Variants in NEXN observed in about 807,000 individuals in gnomAD.
The protein encoded by NEXN is nexilin.
NEXN carries 65 observed loss-of-function variants against 92.6 expected under a neutral mutation model. The observed-to-expected ratio is 0.70, with a 90% CI of 0.57 to 0.86. The LOEUF (loss-of-function observed/expected upper bound fraction) is 0.86, where lower values mean the gene tolerates loss of function less well. Among genes scored for constraint, NEXN ranks in the 40% least tolerant of loss-of-function variants. NEXN has a pLI of 0.00. For synonymous variants in NEXN, 254 were observed against 242.5 expected, an observed-to-expected ratio of 1.05 and a Z score of -0.44; for missense variants, 778 against 771.1, an observed-to-expected ratio of 1.01 and a Z score of -0.11.
In NEXN at chr1:77,918,020, T is replaced by G. The variant is rs1483282057; in HGVS notation, c.280T>G (p.Tyr94Asp). The change falls in exon 4 of 13, where the codon TAT becomes GAT. Residue 94 changes from tyrosine to aspartate, a missense_variant. Physicochemically the swap from Tyr to Asp is radical, Grantham distance 160. Transcript: ENST00000334785. ...EDVSSKVEKAYVPKLTGTVKG... is the reference protein window; with the variant it reads ...EDVSSKVEKADVPKLTGTVKG... ...TGTATCTTCTAAAGTAGAAAAGGCT[T>G]ATGTTCCAAAATTAACAGGTAAGAA... 1 of 1,613,708 alleles carries G rather than the reference T, an allele frequency of 6.2e-7. No homozygotes were observed. Among genetic ancestry groups the G allele is most frequent in the South Asian group, 1.1e-5 (1 of 91,076 alleles).
At chr1:77,934,773 A>G (rs538519442) in intron 10 of NEXN, among the ~76,000 whole-genome samples, 1 of 152,322 alleles carries the variant, frequency 6.6e-6, no homozygotes, top group African/African-American at 2.4e-5. Context: ...GTCAGGGTCT[A>G]AGATGTAGCC....
rs567500402 is a variant in NEXN, at chr1:77,930,770, A to G, written c.1053+1266A>G. ...CCCTATGCTCTGCTAACTCCAATTCATAACTTTCCATTTCCTCTGGAAAGC... is the reference window on the plus strand; with the variant it reads ...CCCTATGCTCTGCTAACTCCAATTCGTAACTTTCCATTTCCTCTGGAAAGC... On this transcript the variant is annotated intron_variant, in intron 9 of 12. Coordinates refer to ENST00000334785, the MANE Select transcript of NEXN (RefSeq NM_144573.4). Among the ~76,000 whole-genome samples the G allele has an allele frequency of 2.0e-5, 3 of 152,312 alleles. No homozygotes were observed. The East Asian group carries it at 5.8e-4, about 29-fold the overall frequency.
chr1:77,929,291 A>G, intron 8 of NEXN, 25 bp from the exon 9 acceptor site: 4 of 1,442,374 alleles, frequency 2.8e-6, no homozygotes, highest in Non-Finnish European at 3.9e-6. Context: ...CTCAATTCTT[A>G]GTAATGAATT....
Position 77,898,875 on chromosome 1 carries a change from G to A in NEXN, c.-53+10116G>A, listed in dbSNP as rs537937185. 4.4e-3 allele frequency among the ~76,000 whole-genome samples: 663 copies of A among 152,242 alleles called. 5 individuals carry two copies. The highest frequency in any genetic ancestry group is 0.015 in the African/African-American group (620 of 41,528). ...TATGAACAGACACTTCTCAAAAGAA[G>A]ACATTTATGCAGCCAAAAAACACAT... On this transcript the variant is annotated intron_variant, in intron 1 of 12. Transcript: ENST00000334785.
intron 11 of NEXN, among the ~76,000 whole-genome samples, chr1:77,939,895 G>A (rs1354456477): frequency 3.3e-5 from 5 of 152,084 alleles, no homozygotes; most frequent in Non-Finnish European, 5.9e-5. Flanking sequence ...CCAACATGGC[G>A]AAACCCTGTC....
At chr1:77,937,384 C>A (rs1278159146) in intron 11 of NEXN, among the ~76,000 whole-genome samples, 4 of 150,110 alleles carry the variant, frequency 2.7e-5, no homozygotes, top group Non-Finnish European at 5.9e-5. Context: ...GTCTTAGATA[C>A]ATGCATTAAA....
intron 11 of NEXN, among the ~76,000 whole-genome samples, chr1:77,939,785 G>C (rs1651098827): frequency 6.6e-6 from 1 of 152,134 alleles, no homozygotes; most frequent in Non-Finnish European, 1.5e-5. Flanking sequence ...TTAAAAACTT[G>C]TTAGCGGCTG....
chr1:77,907,099 A>C (rs1474714031), intron 1 of NEXN, among the ~76,000 whole-genome samples: 1 of 152,222 alleles, frequency 6.6e-6, no homozygotes, highest in African/African-American at 2.4e-5. Context: ...TTCATCATTA[A>C]TTTTATTCAT....
intron 1 of NEXN, among the ~76,000 whole-genome samples, chr1:77,902,025 C>T (rs181022184): frequency 6.6e-6 from 1 of 152,212 alleles, no homozygotes; most frequent in Non-Finnish European, 1.5e-5. Context: ...ACCATAAACT[C>T]CATAACAGAT....
At position 77,935,992 on chromosome 1, in the gene NEXN, G is replaced by A. The variant is rs1296934495; in HGVS notation, c.1421G>A (p.Arg474Lys). Residue 474 changes from arginine to lysine, a missense_variant, in exon 11 of 13, where the codon AGG (arginine) becomes AAG (lysine). Around this residue, in one of 3 missense-constraint regions of NEXN, gnomAD observed 532 missense variants for 476.7 expected, o/e 1.12. Coordinates refer to ENST00000334785, the MANE Select transcript of NEXN (RefSeq NM_144573.4). The stretch of plus-strand genomic sequence containing the variant: ...AAAATAGAAGAAGAGCGAGCAAGAA[G>A]GAGAGCAATTGACCTTGAAATTAAA... ...QKKIEEERAR[R>K]RAIDLEIKER... is the part of the protein sequence containing the mutation. 1 of 1,613,890 alleles carries A rather than the reference G, an allele frequency of 6.2e-7. No homozygotes were observed. The highest frequency in any genetic ancestry group is 8.5e-7 in the Non-Finnish European group (1 of 1,179,972).
At chr1:77,941,140 T>C (rs1651268336) in intron 11 of NEXN, among the ~76,000 whole-genome samples, 1 of 152,160 alleles carries the variant, frequency 6.6e-6, no homozygotes, top group African/African-American at 2.4e-5. Flanking sequence ...TCCCTTTAGT[T>C]GGATGTGGCA....
chr1:77,938,957 G>T (rs923960769), intron 11 of NEXN, among the ~76,000 whole-genome samples: 1 of 152,162 alleles, frequency 6.6e-6, no homozygotes, highest in African/African-American at 2.4e-5. Flanking sequence ...AACCTTGCAG[G>T]CTCTATGATC....
intron 11 of NEXN, chr1:77,941,588 C>T: frequency 5.7e-6 from 1 of 176,814 alleles, no homozygotes; most frequent in Non-Finnish European, 1.2e-5. Flanking sequence ...TCATTAGGGA[C>T]ATAGTTCTAA....
At chr1:77,936,213 C>T (rs1029419099) in intron 11 of NEXN, among the ~76,000 whole-genome samples, 169 bp downstream of exon 11, 15 of 152,070 alleles carry the variant, frequency 9.9e-5, no homozygotes, top group Admixed American at 3.9e-4. Flanking sequence ...CTTTGAAAGA[C>T]TAGCATTGTT....
rs755012232 is a variant in NEXN, at chr1:77,917,723, T to A, written c.185T>A (p.Ile62Asn). 4 of 1,610,718 alleles carry A rather than the reference T, an allele frequency of 2.5e-6. No individual in the cohort carries two copies. The African/African-American group carries it at 4.0e-5, about 16-fold the overall frequency. The change falls in exon 3 of 13, where the codon ATT becomes AAT. Residue 62 changes from isoleucine (I) to asparagine (N), a missense_variant. By Grantham distance (149) the Ile-to-Asn change is moderately radical. Transcript: ENST00000334785. ...DEKQRRKEQYIREREWNRRKQ... is the reference protein window; with the variant it reads ...DEKQRRKEQYNREREWNRRKQ... ...AAACAAAGAAGAAAAGAACAATATA[T>A]TAGAGAGAGAGAATGGAACAGGAGA...
chr1:77,934,290 C>A (rs1571153500), intron 10 of NEXN, among the ~76,000 whole-genome samples: 1 of 152,094 alleles, frequency 6.6e-6, no homozygotes, highest in African/African-American at 2.4e-5. Flanking sequence ...TTATTACAGG[C>A]ATGAGCCACC....
rs374762720 is a variant in NEXN at position 77,917,954 on chromosome 1, A to T, written c.220-6A>T. ...TGTGCTCACATTAATTTATTTAACC[A>T]TCTAGATTAAAGAAATGCTTGCTTC... On this transcript the variant is annotated splice_region_variant and splice_polypyrimidine_tract_variant and intron_variant, in intron 3 of 12. Transcript: ENST00000334785. 6.2e-7 allele frequency: 1 copy of T among 1,605,002 alleles called. No individual in the cohort carries two copies. Among genetic ancestry groups the T allele is most frequent in the South Asian group, 1.1e-5 (1 of 90,830 alleles).
intron 11 of NEXN, among the ~76,000 whole-genome samples, chr1:77,941,394 A>T (rs1452635427): frequency 2.0e-5 from 3 of 152,172 alleles, no homozygotes; most frequent in Non-Finnish European, 2.9e-5. Flanking sequence ...CTCTGCTCTT[A>T]AATCACTCCC....
intron 1 of NEXN, among the ~76,000 whole-genome samples, chr1:77,908,135 T>C (rs557549177): frequency 8.5e-5 from 13 of 152,232 alleles, no homozygotes; most frequent in Admixed American, 2.6e-4. Context: ...TGAAGTGCAG[T>C]AGCATGATCA....
Sources: gnomAD v4.1 joint callset for allele counts (sites outside exome capture counted in the v4.1 genomes callset) on GRCh38, gnomAD v4.1.1 for gene constraint, gnomAD v4.1.1 regional missense constraint, MANE v1.5 for transcripts, NCBI Gene and HGNC (gene_info 2026-07-23, HGNC 2026-07-21) for gene names.